GFM1: variants seen among roughly 807,000 people sequenced by gnomAD.
The protein encoded by GFM1 is elongation factor G, mitochondrial.
Under a neutral mutation model 96.2 loss-of-function variants are expected in GFM1, and 62 were observed. The ratio of observed to expected loss-of-function variants is 0.64; its 90% CI spans 0.53 to 0.80. The LOEUF (loss-of-function observed/expected upper bound fraction) is 0.80, where lower values mean the gene tolerates loss of function less well. GFM1 is among the 30% of genes least tolerant of loss of function. The pLI is 0.00. For synonymous variants in GFM1, 282 were observed against 312.9 expected, an observed-to-expected ratio of 0.90 and a Z score of 1.04; for missense variants, 852 against 916.6, an observed-to-expected ratio of 0.93 and a Z score of 0.91.
At chr3:158,662,170 A>T (rs1268748689) in intron 10 of GFM1, among the ~76,000 whole-genome samples, 1 of 152,154 alleles carries the variant, frequency 6.6e-6, no homozygotes, top group African/African-American at 2.4e-5. Context: ...AATGGGGATA[A>T]TACCTGCTTC....
rs536645748 is a variant in GFM1 at position 158,676,721 on chromosome 3, CAG to C, written c.1602-5271_1602-5270del. On this transcript the variant is annotated intron_variant, in intron 13 of 17. Transcript: ENST00000486715. ...TTTTTCTTTTTTTTTTTTTTTGAGA[CAG>C]AGTCTCACTCTTATCACCCAGGCTG... 5.3e-4 allele frequency among the ~76,000 whole-genome samples: 76 copies of C among 144,004 alleles called. 1 individual carries two copies. In the East Asian group the frequency reaches 9.9e-3, roughly 19 times the overall value. 94.5% of individuals were successfully genotyped at this position (144,004 alleles called of 152,430 possible).
At position 158,682,131 on chromosome 3, in the gene GFM1, A is replaced by G. The variant is rs370262627; in HGVS notation, c.1738A>G (p.Lys580Glu). ...SDETFGSNIP[K>E]QFVPAVEKGF... ...TGAAACATTCGGATCAAATATTCCAAAGCAGTTTGTGCCTGCTGTAGAAAA... is the reference window on the plus strand; with the variant it reads ...TGAAACATTCGGATCAAATATTCCAGAGCAGTTTGTGCCTGCTGTAGAAAA... The change falls in exon 14 of 18, where the codon AAG (lysine) becomes GAG (glutamate). Residue 580 changes from lysine to glutamate, a missense_variant. Coordinates refer to ENST00000486715, the MANE Select transcript of GFM1 (RefSeq NM_024996.7). 38 of 1,613,724 alleles carry G rather than the reference A, an allele frequency of 2.4e-5. No individual in the cohort carries two copies. The Middle Eastern group carries it at 6.6e-4, about 28-fold the overall frequency.
In GFM1 at chr3:158,684,620, T is replaced by G; in HGVS notation, c.1861T>G (p.Ser621Ala). The G allele has an allele frequency of 6.2e-7, 1 of 1,614,144 alleles. No individual in the cohort carries two copies. Among genetic ancestry groups the G allele is most frequent in the Non-Finnish European group, 8.5e-7 (1 of 1,179,998 alleles). The change falls in exon 15 of 18, where the codon TCT becomes GCT. Residue 621 changes from serine (S) to alanine (A), a missense_variant. Ser to Ala is a moderately conservative substitution (Grantham distance 99). Coordinates refer to ENST00000486715, the MANE Select transcript of GFM1 (RefSeq NM_024996.7). Reference sequence around the variant, plus strand: ...AGATGGAGCACACCACATGGTTGATTCTAATGAAATCTCTTTCATCCGAGC... The same window carrying G: ...AGATGGAGCACACCACATGGTTGATGCTAATGAAATCTCTTTCATCCGAGC... ...LQDGAHHMVD[S>A]NEISFIRAGE... is the part of the protein sequence containing the mutation.
intron 9 of GFM1, chr3:158,660,399 A>T (rs1723109576): frequency 6.2e-6 from 1 of 160,390 alleles, no homozygotes; most frequent in South Asian, 1.7e-4. Context: ...GGCACCCACC[A>T]CCATCCCTGG....
At chr3:158,675,746 C>G (rs922956274) in intron 13 of GFM1, among the ~76,000 whole-genome samples, 2 of 152,128 alleles carry the variant, frequency 1.3e-5, no homozygotes, top group African/African-American at 4.8e-5. Context: ...TTTCAGATCT[C>G]CAGTTAACTT....
At chr3:158,684,212 A>T (rs1270621161) in intron 14 of GFM1, among the ~76,000 whole-genome samples, 1 of 152,126 alleles carries the variant, frequency 6.6e-6, no homozygotes, top group East Asian at 1.9e-4. Flanking sequence ...AGGGTGAAGG[A>T]TGAGAAGGAG....
rs1304655229 is a variant in GFM1 at position 158,691,305 on chromosome 3, AAAAAACCCTCTCTT to A, written c.2125-30_2125-17del. 6.6e-7 allele frequency: 1 copy of A among 1,515,758 alleles called. No homozygotes were observed. Among genetic ancestry groups the A allele is most frequent in the East Asian group, 2.3e-5 (1 of 43,332 alleles). 93.9% of individuals were successfully genotyped at this position (1,515,758 alleles called of 1,614,324 possible). On this transcript the variant is annotated splice_polypyrimidine_tract_variant and intron_variant, in intron 17 of 17. Transcript: ENST00000486715. ...TAGTTTAAAAAACAAACAAACAAAC[AAAAAACCCTCTCTT>A]TTTTTTAAATCCCTAGGGAAAGGGA... is the stretch of plus-strand genomic sequence containing the variant.
intron 10 of GFM1, among the ~76,000 whole-genome samples, chr3:158,661,715 A>T (rs1230062632): frequency 1.3e-5 from 2 of 152,194 alleles, no homozygotes; most frequent in African/African-American, 4.8e-5. Flanking sequence ...GTAAAGAAAG[A>T]GTATGATGAG....
chr3:158,659,161 T>C, intron 9 of GFM1, 102 bp downstream of exon 9: 4 of 1,291,848 alleles, frequency 3.1e-6, no homozygotes, highest in Non-Finnish European at 4.4e-6. Flanking sequence ...TCTGGTTAAA[T>C]ATATGTTTCT....
Position 158,659,040 on chromosome 3 carries a change from T to C in GFM1, c.1202T>C (p.Met401Thr). 1 of 1,614,206 alleles carries C rather than the reference T, an allele frequency of 6.2e-7. No homozygotes were observed. Among genetic ancestry groups the C allele is most frequent in the Non-Finnish European group, 8.5e-7 (1 of 1,180,032 alleles). The change falls in exon 9 of 18, where the codon ATG becomes ACG. Residue 401 changes from methionine to threonine, a missense_variant. Met to Thr is a moderately conservative substitution (Grantham distance 81, BLOSUM62 -1). Transcript: ENST00000486715. The part of the protein sequence containing the change: ...KKVRLQRLAR[M>T]HADMMEDVEE... ...GTACGGTTGCAACGGCTGGCTCGCA[T>C]GCATGCCGACATGATGGAGGCAAGT...
At chr3:158,654,710 C>G (rs1204489361) in intron 8 of GFM1, 79 bp downstream of exon 8, 8 of 968,094 alleles carry the variant, frequency 8.3e-6, no homozygotes, top group Admixed American at 5.3e-5. Flanking sequence ...TACAGAATGA[C>G]TCTGACTTTT....
chr3:158,685,771 G>A (rs1017886219), intron 15 of GFM1, among the ~76,000 whole-genome samples: 1 of 152,130 alleles, frequency 6.6e-6, no homozygotes, highest in Non-Finnish European at 1.5e-5. Flanking sequence ...AAACAGGTAA[G>A]TAAAATGACA....
intron 14 of GFM1, 91 bp from the exon 15 acceptor site, chr3:158,684,433 A>G: frequency 7.7e-7 from 1 of 1,302,340 alleles, no homozygotes; most frequent in South Asian, 1.2e-5. Flanking sequence ...ATAAAAACGT[A>G]CACTTCTGAA....
chr3:158,673,434 A>G (rs1384820820), intron 13 of GFM1, among the ~76,000 whole-genome samples: 5 of 151,440 alleles, frequency 3.3e-5, no homozygotes, highest in Admixed American at 2.6e-4. Flanking sequence ...TTGGGCTAGG[A>G]TAACTTGGAG....
At chr3:158,672,199 A>G (rs1183886653) in intron 13 of GFM1, 4 of 951,162 alleles carry the variant, frequency 4.2e-6, no homozygotes, top group African/African-American at 3.3e-5. Context: ...AAACCTTAAT[A>G]TCTCAAGACC....
At chr3:158,684,762 A>G (rs1346259582) in intron 15 of GFM1, 94 bp downstream of exon 15, 15 of 1,296,014 alleles carry the variant, frequency 1.2e-5, no homozygotes, top group Admixed American at 6.9e-5. Flanking sequence ...CTTCACCCAG[A>G]GCACTAGGCT....
rs1723582146 is a variant in GFM1 at position 158,665,454 on chromosome 3, C to T, written c.1498C>T (p.His500Tyr). 1 of 1,610,236 alleles carries T rather than the reference C, an allele frequency of 6.2e-7. No homozygotes were observed. The highest frequency in any genetic ancestry group is 8.5e-7 in the Non-Finnish European group (1 of 1,176,978). Reference protein sequence around the residue: ...ETVISGMGELHLEIYAQRLER... With the variant: ...ETVISGMGELYLEIYAQRLER... ...AGTTATATCTGGAATGGGAGAATTA[C>T]ACCTGGAAATCTATGCTCAGGTAAT... Residue 500 changes from histidine to tyrosine, a missense_variant, in exon 12 of 18, where the codon CAC becomes TAC. Physicochemically the swap from His to Tyr is moderately conservative, Grantham distance 83 (BLOSUM62 2). Coordinates refer to ENST00000486715, the MANE Select transcript of GFM1 (RefSeq NM_024996.7).
At chr3:158,682,421 G>A (rs910093917) in intron 14 of GFM1, 1 of 409,242 alleles carries the variant, frequency 2.4e-6, no homozygotes, top group African/African-American at 2.0e-5. Context: ...TGAAACTACT[G>A]TATTGATTGT....
chr3:158,662,401 G>A (rs1159563844), intron 10 of GFM1, among the ~76,000 whole-genome samples: 1 of 152,048 alleles, frequency 6.6e-6, no homozygotes, highest in Non-Finnish European at 1.5e-5. Context: ...TTTTATTTTG[G>A]GAAGGAGGAA....
Sources: gnomAD v4.1 joint callset for allele counts (sites outside exome capture counted in the v4.1 genomes callset) on GRCh38, gnomAD v4.1.1 for gene constraint, MANE v1.5 for transcripts, NCBI Gene and HGNC (gene_info 2026-07-23, HGNC 2026-07-21) for gene names.